SMCO2: variants seen among roughly 807,000 people sequenced by gnomAD.
The protein encoded by SMCO2 is single-pass membrane and coiled-coil domain-containing protein 2.
A neutral mutation model predicts 29.5 loss-of-function variants in SMCO2; 25 were observed. The observed-to-expected ratio is 0.85, with a 90% confidence interval of 0.62 to 1.18. The LOEUF is 1.18. Ranked by LOEUF, SMCO2 falls within the 50% of genes most tolerant of loss-of-function variation. The pLI is 0.00. For missense variants in SMCO2, 348 were observed against 344.5 expected, an observed-to-expected ratio of 1.01 and a Z score of -0.08; for synonymous variants, 117 against 123.3, an observed-to-expected ratio of 0.95 and a Z score of 0.34.
intron 4 of SMCO2, among the ~76,000 whole-genome samples, chr12:27,484,870 AAATATAT>A (rs1342079759): frequency 2.1e-5 from 2 of 95,146 alleles, no homozygotes; most frequent in Admixed American, 1.1e-4. Context: ...AAAAAAAAAA[AAATATAT>A]ATATATATAT....
chr12:27,432,359 G>GA, the SMCO2 span, among the ~76,000 whole-genome samples: 4 of 151,350 alleles, frequency 2.6e-5, no homozygotes, highest in Non-Finnish European at 5.9e-5. Context: ...ACTTATTTTG[G>GA]AAAAAAAATA....
At chr12:27,458,044 T>C in the SMCO2 span, among the ~76,000 whole-genome samples, 1 of 152,252 alleles carries the variant, frequency 6.6e-6, no homozygotes, top group Admixed American at 6.5e-5. Flanking sequence ...TTGTTAAACG[T>C]CTGAGAAAAG....
At position 27,474,959 on chromosome 12, in the gene SMCO2, G is replaced by A. The variant is rs1592206381; in HGVS notation, c.362+46G>A. 5 of 1,532,086 alleles carry A rather than the reference G, an allele frequency of 3.3e-6. No homozygotes were observed. The East Asian group carries it at 1.2e-4, about 38-fold the overall frequency. 94.9% of individuals were successfully genotyped at this position (1,532,086 alleles called of 1,614,324 possible). A position where few individuals can be genotyped will look rare whatever the true frequency, so the allele number is the denominator to read the frequency against. ...GACAGAGCATTTAATAATGTGTGGAGGGGAAAATAGAATTTAAGCAGATAA... is the reference window on the plus strand; with the variant it reads ...GACAGAGCATTTAATAATGTGTGGAAGGGAAAATAGAATTTAAGCAGATAA... On this transcript the variant is annotated intron_variant, in intron 4 of 7. Coordinates refer to ENST00000298876, the Ensembl canonical transcript of SMCO2.
At chr12:27,448,976 G>A in the SMCO2 span, among the ~76,000 whole-genome samples, 1 of 152,196 alleles carries the variant, frequency 6.6e-6, no homozygotes, top group Non-Finnish European at 1.5e-5. Context: ...GAGAAGGCAA[G>A]CGGTGGGAAA....
chr12:27,482,544 G>A (rs1345566723), intron 4 of SMCO2, among the ~76,000 whole-genome samples: 9 of 152,168 alleles, frequency 5.9e-5, no homozygotes, highest in South Asian at 2.1e-4. Flanking sequence ...CAGGTGATCC[G>A]CCCACATTGG....
At chr12:27,436,486 G>C in the SMCO2 span, among the ~76,000 whole-genome samples, 1 of 152,120 alleles carries the variant, frequency 6.6e-6, no homozygotes. Flanking sequence ...CATGGTGGGG[G>C]CATTCACAGG....
chr12:27,480,332 C>G (rs1949631201), intron 4 of SMCO2, among the ~76,000 whole-genome samples: 1 of 152,214 alleles, frequency 6.6e-6, no homozygotes, highest in African/African-American at 2.4e-5. Context: ...TCTGGCAACA[C>G]CCTCACAGAC....
At chr12:27,457,480 CAT>C in the SMCO2 span, among the ~76,000 whole-genome samples, 1 of 152,202 alleles carries the variant, frequency 6.6e-6, no homozygotes, top group Non-Finnish European at 1.5e-5. Flanking sequence ...GGTATCATTA[CAT>C]AGTCTTTTGT....
chr12:27,499,043 C>T (rs762024510), intron 7 of SMCO2, among the ~76,000 whole-genome samples: 27 of 150,638 alleles, frequency 1.8e-4, no homozygotes, highest in East Asian at 5.8e-4. Flanking sequence ...GTTTCTAAAA[C>T]GGTTAAATAT....
chr12:27,452,715 T>C, the SMCO2 span, among the ~76,000 whole-genome samples: 1 of 152,202 alleles, frequency 6.6e-6, no homozygotes, highest in Non-Finnish European at 1.5e-5. Flanking sequence ...CTTAAACTGC[T>C]GTGCTCAAGC....
chr12:27,501,965 C>T (rs61731840), exon 8 of SMCO2: 352,997 of 1,545,346 alleles, frequency 0.23, 49,781 homozygotes, highest in Middle Eastern at 0.32. Context: ...ATGTCCTCAC[C>T]GTCACTGGAC....
chr12:27,444,889 G>A, the SMCO2 span, among the ~76,000 whole-genome samples: 3,464 of 152,258 alleles, frequency 0.023, 134 homozygotes, highest in African/African-American at 0.079. Flanking sequence ...CTGCACGCCC[G>A]TGTTTATTGC....
chr12:27,438,026 G>C, the SMCO2 span, among the ~76,000 whole-genome samples: 2 of 151,946 alleles, frequency 1.3e-5, no homozygotes, highest in Non-Finnish European at 2.9e-5. Flanking sequence ...TACACTCCCG[G>C]GCTTCCTGCT....
At chr12:27,426,564 A>G in the SMCO2 span, among the ~76,000 whole-genome samples, 1 of 152,236 alleles carries the variant, frequency 6.6e-6, no homozygotes, top group African/African-American at 2.4e-5. Flanking sequence ...GTGCTTACAC[A>G]TTGTCTGACA....
chr12:27,463,682 C>T (rs1318413603), upstream of SMCO2, among the ~76,000 whole-genome samples: 1 of 152,166 alleles, frequency 6.6e-6, no homozygotes, highest in East Asian at 1.9e-4. Context: ...CTGTTCCCAA[C>T]CCACCACGGA....
chr12:27,430,021 G>A, the SMCO2 span, among the ~76,000 whole-genome samples: 1 of 152,238 alleles, frequency 6.6e-6, no homozygotes, highest in South Asian at 2.1e-4. Context: ...TCTAGCTGAA[G>A]TTTATTTTGG....
At chr12:27,456,462 G>C in the SMCO2 span, among the ~76,000 whole-genome samples, 9 of 152,174 alleles carry the variant, frequency 5.9e-5, no homozygotes, top group East Asian at 5.8e-4. Context: ...GTCGGCAGAG[G>C]GGGGAGGAAT....
upstream of SMCO2, among the ~76,000 whole-genome samples, chr12:27,463,629 C>G (rs750369703): frequency 1.2e-4 from 19 of 152,258 alleles, no homozygotes; most frequent in Middle Eastern, 6.8e-3. Context: ...GCTTTGAGCA[C>G]AGAAAAGGCT....
upstream of SMCO2, among the ~76,000 whole-genome samples, chr12:27,462,072 T>C (rs544199358): frequency 6.6e-6 from 1 of 152,368 alleles, no homozygotes; most frequent in Non-Finnish European, 1.5e-5. Context: ...GAGCCTTAGA[T>C]TTGTAACTGA....
Sources: gnomAD v4.1 joint callset for allele counts (sites outside exome capture counted in the v4.1 genomes callset) on GRCh38, gnomAD v4.1.1 for gene constraint, MANE v1.5 for transcripts, NCBI Gene and HGNC (gene_info 2026-07-23, HGNC 2026-07-21) for gene names.